Variants in AKAP9 observed in about 807,000 individuals in gnomAD.
The protein encoded by AKAP9 is A-kinase anchoring protein 9, also known as A-kinase anchor protein 9.
AKAP9 carries 311 observed loss-of-function variants against 488.5 expected under a neutral mutation model. The observed-to-expected ratio is 0.64, with a 90% CI of 0.58 to 0.70. The LOEUF (loss-of-function observed/expected upper bound fraction) is 0.70. AKAP9 is among the 30% of genes least tolerant of loss of function. AKAP9 has a pLI of 0.00. For missense variants in AKAP9, 4,215 were observed against 4,374.5 expected, an observed-to-expected ratio of 0.96 and a Z score of 1.03; for synonymous variants, 1,462 against 1,483.5, an observed-to-expected ratio of 0.99 and a Z score of 0.33.
chr7:92,011,760 A>C (rs1261846051), intron 8 of AKAP9, among the ~76,000 whole-genome samples: 2 of 152,172 alleles, frequency 1.3e-5, no homozygotes, highest in Non-Finnish European at 2.9e-5. Flanking sequence ...AATAATACTG[A>C]GTGAGCCTCT....
At chr7:92,086,721 G>A (rs1264904781) in intron 37 of AKAP9, among the ~76,000 whole-genome samples, 1 of 152,128 alleles carries the variant, frequency 6.6e-6, no homozygotes, top group Non-Finnish European at 1.5e-5. Context: ...TGAACATTGA[G>A]CGGTCATTGC....
At chr7:91,963,067 GT>G (rs1233836279) in intron 1 of AKAP9, among the ~76,000 whole-genome samples, 1 of 152,052 alleles carries the variant, frequency 6.6e-6, no homozygotes, top group Admixed American at 6.6e-5. Flanking sequence ...ATTTCTTTTG[GT>G]TTTGCATTCT....
At chr7:92,103,716 A>G (rs1353767565) in intron 46 of AKAP9, among the ~76,000 whole-genome samples, 2 of 151,990 alleles carry the variant, frequency 1.3e-5, no homozygotes, top group East Asian at 3.9e-4. Context: ...AAAAATCTGA[A>G]TAAGCCCATG....
At position 92,079,553 on chromosome 7, in the gene AKAP9, C is replaced by G; in HGVS notation, c.7420C>G (p.Leu2474Val). ...AGAAGTAGTCCTTACAGAGGATGCT[C>G]TTAAATCCCTAGAAAATCAGACATA... is the stretch of plus-strand genomic sequence containing the variant. ...ELEVVLTEDA[L>V]KSLENQTYFK... is the part of the protein sequence containing the mutation. The change falls in exon 31 of 50, where the codon CTT becomes GTT. Residue 2474 changes from leucine to valine, a missense_variant. Physicochemically the swap from Leu to Val is conservative, Grantham distance 32 (BLOSUM62 1). Transcript: ENST00000356239. The G allele has an allele frequency of 6.2e-7, 1 of 1,613,734 alleles. No individual in the cohort carries two copies. Among genetic ancestry groups the G allele is most frequent in the Non-Finnish European group, 8.5e-7 (1 of 1,179,976 alleles).
intron 3 of AKAP9, among the ~76,000 whole-genome samples, chr7:91,991,472 CTTTTT>C (rs766603127): frequency 7.4e-6 from 1 of 135,884 alleles, no homozygotes. Context: ...GGGAAGAACT[CTTTTT>C]TTTTTTTTTT....
intron 1 of AKAP9, among the ~76,000 whole-genome samples, chr7:91,973,192 G>A (rs1221122335): frequency 2.0e-5 from 3 of 152,092 alleles, no homozygotes; most frequent in Admixed American, 1.3e-4. Context: ...CCTGGGCAAC[G>A]TGGCAAAAAT....
intron 14 of AKAP9, 29 bp downstream of exon 14, chr7:92,023,038 C>T: frequency 1.3e-6 from 2 of 1,594,098 alleles, no homozygotes; most frequent in Non-Finnish European, 1.7e-6. Context: ...CTTCATTCAA[C>T]AGTATTTGTA....
At chr7:92,006,653 G>A (rs978923148) in intron 8 of AKAP9, among the ~76,000 whole-genome samples, 4 of 152,120 alleles carry the variant, frequency 2.6e-5, no homozygotes, top group African/African-American at 9.7e-5. Flanking sequence ...ACACCTAAGA[G>A]CAGCCTAAAT....
At chr7:92,061,456 G>T in intron 23 of AKAP9, 34 bp downstream of exon 23, 1 of 1,610,656 alleles carries the variant, frequency 6.2e-7, no homozygotes, top group Non-Finnish European at 8.5e-7. Flanking sequence ...TAAGGGTAGA[G>T]AAATTTCAGT....
At chr7:91,942,142 A>G (rs1790839600) in intron 1 of AKAP9, among the ~76,000 whole-genome samples, 1 of 152,170 alleles carries the variant, frequency 6.6e-6, no homozygotes, top group South Asian at 2.1e-4. Flanking sequence ...GATAATTGTT[A>G]GCAGTCATAC....
chr7:92,001,594 T>C lies in AKAP9; in HGVS notation c.1677T>C (p.Asn559=). 1 of 1,613,828 alleles carries C rather than the reference T, an allele frequency of 6.2e-7. No individual in the cohort carries two copies. Among genetic ancestry groups the C allele is most frequent in the South Asian group, 1.1e-5 (1 of 91,072 alleles). ...TAGCTGAACAAGAAAGTAAACTTAATGAAGCACATAAGTCCCTTAGTACAG... is the reference window on the plus strand; with the variant it reads ...TAGCTGAACAAGAAAGTAAACTTAACGAAGCACATAAGTCCCTTAGTACAG... ...QTIAEQESKL[N]EAHKSLSTVE... Residue 559 remains asparagine (N), a synonymous_variant, in exon 8 of 50, where the codon AAT becomes AAC. Coordinates refer to ENST00000356239, the MANE Select transcript of AKAP9 (RefSeq NM_005751.5).
intron 1 of AKAP9, among the ~76,000 whole-genome samples, chr7:91,965,542 A>G (rs117513011): frequency 7.9e-5 from 12 of 152,322 alleles, no homozygotes; most frequent in Non-Finnish European, 1.8e-4. Context: ...TCTTTTGAAT[A>G]TGTCCCAGTA....
intron 3 of AKAP9, among the ~76,000 whole-genome samples, chr7:91,991,391 A>G (rs919145167): frequency 6.6e-6 from 1 of 151,904 alleles, no homozygotes; most frequent in African/African-American, 2.4e-5. Flanking sequence ...GTTGTGCACT[A>G]TATCCTCAAA....
chr7:92,020,908 T>C (rs1301346909), intron 12 of AKAP9, among the ~76,000 whole-genome samples: 1 of 152,236 alleles, frequency 6.6e-6, no homozygotes, highest in Non-Finnish European at 1.5e-5. Flanking sequence ...AGCTGTTTTT[T>C]CTTTTGCTCA....
chr7:91,986,222 C>T (rs182480455), intron 3 of AKAP9, among the ~76,000 whole-genome samples: 3 of 152,304 alleles, frequency 2.0e-5, no homozygotes, highest in African/African-American at 7.2e-5. Context: ...GAGAGAATCT[C>T]CTGGTCTGCC....
intron 26 of AKAP9, among the ~76,000 whole-genome samples, chr7:92,069,668 T>C (rs1223895694): frequency 6.6e-6 from 1 of 152,208 alleles, no homozygotes; most frequent in African/African-American, 2.4e-5. Context: ...TAATTTGAAA[T>C]GTGAAATGCT....
intron 9 of AKAP9, among the ~76,000 whole-genome samples, chr7:92,013,212 C>G (rs376448961): frequency 1.3e-4 from 20 of 151,166 alleles, no homozygotes; most frequent in Middle Eastern, 3.4e-3. Flanking sequence ...GGGATGGTCT[C>G]GATCTCCTGA....
chr7:91,969,374 CA>C (rs909279899), intron 1 of AKAP9, among the ~76,000 whole-genome samples: 9 of 152,198 alleles, frequency 5.9e-5, no homozygotes, highest in Non-Finnish European at 1.2e-4. Flanking sequence ...CTGATGAAAA[CA>C]ATACTCTTCA....
rs1395348800 is a variant in AKAP9 at position 92,078,481 on chromosome 7, A to G, written c.6946-598A>G. On this transcript the variant is annotated intron_variant, in intron 30 of 49. Coordinates refer to ENST00000356239, the MANE Select transcript of AKAP9 (RefSeq NM_005751.5). ...TACAAAAAATATAAAAATTAACTGG[A>G]CATGGTGGCATACCACCTGTAGTCC... Among the ~76,000 whole-genome samples the G allele has an allele frequency of 2.0e-5, 3 of 151,656 alleles. No homozygotes were observed. In the East Asian group the frequency reaches 5.8e-4, roughly 29 times the overall value.
Sources: allele counts gnomAD v4.1 joint callset (sites outside exome capture counted in the v4.1 genomes callset), GRCh38; gene constraint gnomAD v4.1.1; transcripts MANE v1.5; gene names NCBI Gene and HGNC (gene_info 2026-07-23, HGNC 2026-07-21).